Variants in TCL1A observed in about 807,000 individuals in gnomAD.
TCL1A encodes TCL1 family AKT coactivator A, also known as T-cell leukemia/lymphoma protein 1A.
TCL1A carries 9 observed loss-of-function variants against 16.9 expected under a neutral mutation model. The observed-to-expected ratio is 0.53, with a 90% CI of 0.32 to 0.93. The LOEUF (loss-of-function observed/expected upper bound fraction) is 0.93, where lower values mean the gene tolerates loss of function less well. Ranked by LOEUF, TCL1A falls within the 40% of genes least tolerant of loss-of-function variation. The pLI, the probability that TCL1A is intolerant of heterozygous loss-of-function variation, is 0.04. For synonymous variants in TCL1A, 69 were observed against 63.2 expected (o/e 1.09, Z -0.44); for missense variants, 139 against 153.0 (o/e 0.91, Z 0.48).
chr14:95,711,677 G>A, intron 3 of TCL1A, 72 bp downstream of exon 3: 4 of 1,548,348 alleles, frequency 2.6e-6, no homozygotes, highest in Non-Finnish European at 3.5e-6. Flanking sequence ...CTGCCTTCAT[G>A]GAGAAGGGGT....
intron 1 of TCL1A, among the ~76,000 whole-genome samples, chr14:95,713,581 A>G (rs1886445731): frequency 6.6e-6 from 1 of 152,096 alleles, no homozygotes; most frequent in Non-Finnish European, 1.5e-5. Context: ...AAAAATACAG[A>G]TTTCTGGGAC....
chr14:95,713,683 C>T (rs139445257), intron 1 of TCL1A, among the ~76,000 whole-genome samples: 4 of 152,302 alleles, frequency 2.6e-5, no homozygotes, highest in East Asian at 1.9e-4. Flanking sequence ...CCAGAAAATG[C>T]CTGCTGTAGT....
Position 95,710,900 on chromosome 14 carries a change from A to C in TCL1A, c.*7-19T>G, listed in dbSNP as rs1404058957. 1 of 153,138 alleles carries C rather than the reference A, an allele frequency of 6.5e-6. No homozygotes were observed. Among genetic ancestry groups the C allele is most frequent in the Non-Finnish European group, 1.5e-5 (1 of 68,704 alleles). The allele number at this position is 153,138 out of a possible 1,614,324, so 9.5% of individuals were successfully genotyped here. On this transcript the variant is annotated intron_variant, in intron 3 of 3. Coordinates refer to ENST00000402399, the MANE Select transcript of TCL1A (RefSeq NM_021966.3). ...CCAAGACCTGGAGAAGGACAAAAGAAGACAGAATCAAGGGTGAAGGAAAGG... is the reference window on the plus strand; with the variant it reads ...CCAAGACCTGGAGAAGGACAAAAGACGACAGAATCAAGGGTGAAGGAAAGG...
chr14:95,712,759 G>A, intron 1 of TCL1A: 3 of 1,037,378 alleles, frequency 2.9e-6, no homozygotes, highest in Middle Eastern at 2.4e-4. Flanking sequence ...CTGGGTCACA[G>A]AGCGAGACCC....
intron 1 of TCL1A, among the ~76,000 whole-genome samples, chr14:95,712,986 G>T (rs780411110): frequency 6.6e-6 from 1 of 152,100 alleles, no homozygotes; most frequent in African/African-American, 2.4e-5. Flanking sequence ...GAAATCCACT[G>T]AATCTTCAAA....
Position 95,714,017 on chromosome 14 carries a change from C to T in TCL1A, c.50G>A (p.Arg17His). 6.2e-7 allele frequency: 1 copy of T among 1,614,098 alleles called. No homozygotes were observed. Among genetic ancestry groups the T allele is most frequent in the Non-Finnish European group, 8.5e-7 (1 of 1,180,028 alleles). ...CACGAACTTCTCCCAGGCCCACAGG[C>T]GGTCCGGGTGGTCGGTGACTGCCTC... ...LGEAVTDHPD[R>H]LWAWEKFVYL... The change falls in exon 1 of 4, where the codon CGC becomes CAC. Residue 17 changes from arginine to histidine, a missense_variant. Physicochemically the swap from Arg to His is conservative, Grantham distance 29 (BLOSUM62 0). Coordinates refer to ENST00000402399, the MANE Select transcript of TCL1A (RefSeq NM_021966.3).
At chr14:95,711,982 G>T in intron 2 of TCL1A, 180 bp from the exon 3 acceptor site, 1 of 907,236 alleles carries the variant, frequency 1.1e-6, no homozygotes, top group Non-Finnish European at 1.6e-6. Context: ...CTGCCCACCA[G>T]AGATGTCTTC....
chr14:95,713,415 A>C (rs184048475), intron 1 of TCL1A, among the ~76,000 whole-genome samples: 1 of 152,296 alleles, frequency 6.6e-6, no homozygotes, highest in African/African-American at 2.4e-5. Flanking sequence ...TCACACATTA[A>C]AAAAGTCAAT....
intron 1 of TCL1A, 27 bp downstream of exon 1, chr14:95,713,920 C>T: frequency 1.2e-6 from 2 of 1,611,186 alleles, no homozygotes; most frequent in South Asian, 2.2e-5. Context: ...CCTGCTGCCT[C>T]GCCATCCGCT....
At chr14:95,712,440 G>T in intron 1 of TCL1A, 44 bp from the exon 2 acceptor site, 1 of 1,556,174 alleles carries the variant, frequency 6.4e-7, no homozygotes. Flanking sequence ...GGTTCCGCTT[G>T]CCAGGGCTTC....
At chr14:95,713,298 T>C (rs193090425) in intron 1 of TCL1A, among the ~76,000 whole-genome samples, 2 of 152,376 alleles carry the variant, frequency 1.3e-5, no homozygotes, top group South Asian at 2.1e-4. Flanking sequence ...GGAGAGAGTT[T>C]GAACATTTTT....
intron 3 of TCL1A, chr14:95,711,479 A>G: frequency 2.6e-6 from 1 of 382,724 alleles, no homozygotes; most frequent in South Asian, 4.2e-5. Context: ...AAAAAAAAAA[A>G]AAGCAATGGT....
At position 95,714,028 on chromosome 14, in the gene TCL1A, G is replaced by C; in HGVS notation, c.39C>G (p.Asp13Glu). The C allele has an allele frequency of 1.2e-6, 2 of 1,614,114 alleles. No individual in the cohort carries two copies. The highest frequency in any genetic ancestry group is 2.2e-5 in the South Asian group (2 of 91,082). Residue 13 changes from aspartate (D) to glutamate (E), a missense_variant, in exon 1 of 4, where the codon GAC becomes GAG. Around this residue, in one of 2 missense-constraint regions of TCL1A, gnomAD observed 94 missense variants for 80.2 expected, o/e 1.17. Transcript: ENST00000402399. ...ECPTLGEAVT[D>E]HPDRLWAWEK... is the part of the protein sequence containing the mutation. Reference sequence around the variant, plus strand: ...CCCAGGCCCACAGGCGGTCCGGGTGGTCGGTGACTGCCTCCCCGAGTGTCG... The same window carrying C: ...CCCAGGCCCACAGGCGGTCCGGGTGCTCGGTGACTGCCTCCCCGAGTGTCG...
chr14:95,713,956 TA>T lies in TCL1A; in HGVS notation c.110del (p.Leu37Ter). On this transcript the variant is annotated frameshift_variant, in exon 1 of 4. Transcript: ENST00000402399. LOFTEE classifies it high-confidence loss of function. The part of the protein sequence containing the change: ...LDEKQHAWLP[L>X]TIEIKDRLQL... ...CCAAAGCTGGCTGTACCTCGATGGT[TA>T]AGGGCAGCCAGGCGTGCTGCTTCTC... is the stretch of plus-strand genomic sequence containing the variant. 6.2e-7 allele frequency: 1 copy of T among 1,613,812 alleles called. No individual in the cohort carries two copies. The highest frequency in any genetic ancestry group is 1.1e-5 in the South Asian group (1 of 91,076).
chr14:95,713,380 T>C (rs546745380), intron 1 of TCL1A, among the ~76,000 whole-genome samples: 7 of 152,206 alleles, frequency 4.6e-5, no homozygotes, highest in Non-Finnish European at 8.8e-5. Context: ...AAACTTAACA[T>C]GGATTAAGGA....
intron 1 of TCL1A, 91 bp downstream of exon 1, chr14:95,713,856 G>C (rs566496926): frequency 6.4e-7 from 1 of 1,562,352 alleles, no homozygotes; most frequent in Non-Finnish European, 8.6e-7. Flanking sequence ...CCCATAGTGA[G>C]TGCTCCTTGA....
intron 1 of TCL1A, chr14:95,712,858 CCA>C: frequency 2.6e-6 from 1 of 379,054 alleles, no homozygotes; most frequent in African/African-American, 2.1e-5. Context: ...AAAATCTGTC[CCA>C]CAGTTTGCTA....
intron 1 of TCL1A, 107 bp from the exon 2 acceptor site, chr14:95,712,503 A>G: frequency 6.6e-7 from 1 of 1,509,072 alleles, no homozygotes; most frequent in Non-Finnish European, 8.8e-7. Context: ...CCATCTGGGC[A>G]GGGGTCCGAG....
chr14:95,713,258 T>A (rs1886424390), intron 1 of TCL1A, among the ~76,000 whole-genome samples: 1 of 152,250 alleles, frequency 6.6e-6, no homozygotes, highest in Admixed American at 6.5e-5. Flanking sequence ...ATATATTTTT[T>A]AATTTTTATG....
Sources: allele counts gnomAD v4.1 joint callset (sites outside exome capture counted in the v4.1 genomes callset), GRCh38; gene constraint gnomAD v4.1.1; regional missense constraint gnomAD v4.1.1; transcripts MANE v1.5; gene names NCBI Gene and HGNC (gene_info 2026-07-23, HGNC 2026-07-21).